The following NRG3 variants were observed in gnomAD, a reference collection of about 807,000 sequenced individuals.
The protein encoded by NRG3 is pro-neuregulin-3, membrane-bound isoform.
A neutral mutation model predicts 66.9 loss-of-function variants in NRG3; 31 were observed. The observed-to-expected ratio is 0.46, with a 90% CI of 0.35 to 0.63. NRG3 has a LOEUF of 0.63. NRG3 is among the 20% of genes least tolerant of loss of function. NRG3 has a pLI of 0.00. For synonymous variants in NRG3, 393 were observed against 359.4 expected, an observed-to-expected ratio of 1.09 and a Z score of -1.06; for missense variants, 910 against 878.9, an observed-to-expected ratio of 1.04 and a Z score of -0.45.
At chr10:82,887,563 G>C (rs555819584) in intron 4 of NRG3, among the ~76,000 whole-genome samples, 1 of 152,298 alleles carries the variant, frequency 6.6e-6, no homozygotes, top group South Asian at 2.1e-4. Flanking sequence ...ATAAATCACA[G>C]GTATATTCAT....
At chr10:82,358,680 G>T in intron 1 of NRG3, 59 bp from the exon 2 acceptor site, 2 of 1,608,442 alleles carry the variant, frequency 1.2e-6, no homozygotes, top group Non-Finnish European at 1.7e-6. Context: ...CCAGTGACAG[G>T]AGTTGTTGGT....
intron 2 of NRG3, among the ~76,000 whole-genome samples, chr10:82,415,211 T>A (rs1189913939): frequency 6.6e-6 from 1 of 152,138 alleles, no homozygotes; most frequent in African/African-American, 2.4e-5. Context: ...TGAAAGCAAT[T>A]CATGAGCAAT....
intron 4 of NRG3, among the ~76,000 whole-genome samples, chr10:82,881,761 T>G (rs988860372): frequency 1.3e-5 from 2 of 152,228 alleles, no homozygotes; most frequent in African/African-American, 2.4e-5. Flanking sequence ...CCGCTGATGG[T>G]TCATTAATAT....
At chr10:82,892,261 G>A (rs941697839) in intron 4 of NRG3, among the ~76,000 whole-genome samples, 1 of 151,960 alleles carries the variant, frequency 6.6e-6, no homozygotes, top group African/African-American at 2.4e-5. Context: ...TAGGCCTAAA[G>A]ATGAAAAGTC....
At chr10:82,397,757 G>A (rs1295254073) in intron 2 of NRG3, among the ~76,000 whole-genome samples, 1 of 152,134 alleles carries the variant, frequency 6.6e-6, no homozygotes, top group Non-Finnish European at 1.5e-5. Flanking sequence ...TTCTTTTTAA[G>A]ATAGATAACA....
chr10:81,971,179 A>T (rs927712606), intron 1 of NRG3, among the ~76,000 whole-genome samples: 10 of 152,226 alleles, frequency 6.6e-5, no homozygotes, highest in African/African-American at 2.4e-4. Context: ...TATTGTGCCT[A>T]TGCAAGTGAA....
chr10:82,326,471 A>G (rs1341978164), intron 1 of NRG3, among the ~76,000 whole-genome samples: 1 of 151,964 alleles, frequency 6.6e-6, no homozygotes, highest in Non-Finnish European at 1.5e-5. Flanking sequence ...TTAATTGACT[A>G]TTATATTTGA....
intron 3 of NRG3, chr10:82,843,270 A>G (rs1264574665): frequency 2.2e-6 from 1 of 454,056 alleles, no homozygotes; most frequent in African/African-American, 2.0e-5. Context: ...TGAGGGTTAC[A>G]CCCACCTTAT....
chr10:82,192,935 G>A (rs760948236), intron 1 of NRG3, among the ~76,000 whole-genome samples: 4 of 151,576 alleles, frequency 2.6e-5, no homozygotes, highest in African/African-American at 7.3e-5. Flanking sequence ...ATAAAATGAG[G>A]TAGGTTGTTC....
chr10:82,506,916 G>T (rs1213673312), intron 2 of NRG3, among the ~76,000 whole-genome samples: 1 of 152,148 alleles, frequency 6.6e-6, no homozygotes, highest in Admixed American at 6.5e-5. Flanking sequence ...TTTTCACACA[G>T]CATCTCAGGT....
At chr10:81,983,391 A>T (rs528855733) in intron 1 of NRG3, among the ~76,000 whole-genome samples, 1 of 152,300 alleles carries the variant, frequency 6.6e-6, no homozygotes, top group South Asian at 2.1e-4. Context: ...GCTTTCTCTG[A>T]TGGATGGGCT....
chr10:82,099,114 T>A (rs1260143408), intron 1 of NRG3, among the ~76,000 whole-genome samples: 1 of 152,196 alleles, frequency 6.6e-6, no homozygotes, highest in Non-Finnish European at 1.5e-5. Context: ...AATTATGATT[T>A]CTTTTTTCTT....
At chr10:81,888,706 C>T (rs896663971) in intron 1 of NRG3, among the ~76,000 whole-genome samples, 3 of 152,098 alleles carry the variant, frequency 2.0e-5, no homozygotes, top group African/African-American at 7.2e-5. Flanking sequence ...GGTAGACAGA[C>T]GGCCTCACCT....
At chr10:82,466,944 A>C (rs979339676) in intron 2 of NRG3, among the ~76,000 whole-genome samples, 1 of 151,738 alleles carries the variant, frequency 6.6e-6, no homozygotes, top group Non-Finnish European at 1.5e-5. Context: ...CATATTGGCC[A>C]TACATTTTTA....
At position 82,443,414 on chromosome 10, in the gene NRG3, G is replaced by A. The variant is rs990160679; in HGVS notation, c.953+84546G>A. Among the ~76,000 whole-genome samples the A allele has an allele frequency of 7.9e-5, 12 of 152,144 alleles. No homozygotes were observed. The East Asian group carries it at 9.6e-4, about 12-fold the overall frequency. On this transcript the variant is annotated intron_variant, in intron 2 of 8. Transcript: ENST00000372141. ...CAAGCACTTCATAGTCCTTTTGGGCGCTAGACATGTGGACAATTACAATAA... is the reference window on the plus strand; with the variant it reads ...CAAGCACTTCATAGTCCTTTTGGGCACTAGACATGTGGACAATTACAATAA...
chr10:82,832,143 C>T (rs1215303207), intron 3 of NRG3, among the ~76,000 whole-genome samples: 1 of 152,258 alleles, frequency 6.6e-6, no homozygotes, highest in East Asian at 1.9e-4. Flanking sequence ...ATTTAGATTA[C>T]TACCACTGGG....
At chr10:82,882,570 A>T (rs526353) in intron 4 of NRG3, among the ~76,000 whole-genome samples, 89,606 of 152,078 alleles carry the variant, frequency 0.59, 27,164 homozygotes, top group African/African-American at 0.72. Flanking sequence ...CATAGCAATA[A>T]TGTCACCAAA....
At chr10:82,319,183 G>A (rs1222415952) in intron 1 of NRG3, among the ~76,000 whole-genome samples, 2 of 152,244 alleles carry the variant, frequency 1.3e-5, no homozygotes, top group Non-Finnish European at 2.9e-5. Flanking sequence ...GGATAGTGGT[G>A]CACACAGAGC....
At chr10:82,488,980 G>A (rs1842895937) in intron 2 of NRG3, among the ~76,000 whole-genome samples, 1 of 152,048 alleles carries the variant, frequency 6.6e-6, no homozygotes, top group East Asian at 1.9e-4. Context: ...ATATATATAG[G>A]CCTAATCAAT....
Sources: gnomAD v4.1 joint callset for allele counts (sites outside exome capture counted in the v4.1 genomes callset) on GRCh38, gnomAD v4.1.1 for gene constraint, MANE v1.5 for transcripts, NCBI Gene and HGNC (gene_info 2026-07-23, HGNC 2026-07-21) for gene names.